Variants in SH3BP1 observed in about 807,000 individuals in gnomAD.
SH3BP1 encodes the protein SH3 domain-binding protein 1.
A neutral mutation model predicts 69.8 loss-of-function variants in SH3BP1; 46 were observed. The ratio of observed to expected loss-of-function variants is 0.66; its 90% confidence interval spans 0.52 to 0.84. The LOEUF (loss-of-function observed/expected upper bound fraction) is 0.84. SH3BP1 is among the 40% of genes least tolerant of loss of function. The pLI is 0.00. For synonymous variants in SH3BP1, 403 were observed against 378.0 expected (o/e 1.07, Z -0.77); for missense variants, 868 against 930.9 (o/e 0.93, Z 0.88).
At position 37,643,703 on chromosome 22, in the gene SH3BP1, G is replaced by C. The variant is rs1180685128; in HGVS notation, c.533G>C (p.Ser178Thr). Residue 178 changes from serine to threonine, a missense_variant, in exon 7 of 18, where the codon AGT (serine) becomes ACT (threonine). Coordinates refer to ENST00000649765, the MANE Select transcript of SH3BP1 (RefSeq NM_018957.6). ...SSQGLGGSPG[S>T]HSHTTMANKV... ...CAAGGCCTAGGAGGCAGCCCGGGTA[G>C]TCACAGCCATACGACCATGGCCAAC... 4 of 1,614,150 alleles carry C rather than the reference G, an allele frequency of 2.5e-6. No homozygotes were observed. The Admixed American group carries it at 5.0e-5, about 20-fold the overall frequency.
chr22:37,642,130 T>C (rs1177640483), intron 3 of SH3BP1: 3 of 198,846 alleles, frequency 1.5e-5, no homozygotes, highest in Non-Finnish European at 3.2e-5. Flanking sequence ...GGCAAGGAAA[T>C]TGGGAGCCAT....
chr22:37,655,012 G>A (rs749326), intron 17 of SH3BP1, among the ~76,000 whole-genome samples: 30,672 of 148,098 alleles, frequency 0.21, 5,069 homozygotes, highest in African/African-American at 0.46. Flanking sequence ...AAAGTCCTGC[G>A]AAGAAAATAC....
At position 37,646,936 on chromosome 22, in the gene SH3BP1, G is replaced by T; in HGVS notation, c.1036+7G>T. On this transcript the variant is annotated splice_region_variant and intron_variant, in intron 11 of 17. Coordinates refer to ENST00000649765, the MANE Select transcript of SH3BP1 (RefSeq NM_018957.6). Reference sequence around the variant, plus strand: ...GACCCGCACGCTGTGGCAGGTGCCTGATCCGGGGAGCCCTGGGCAGGAGGT... The same window carrying T: ...GACCCGCACGCTGTGGCAGGTGCCTTATCCGGGGAGCCCTGGGCAGGAGGT... The T allele has an allele frequency of 6.6e-7, 1 of 1,514,896 alleles. No individual in the cohort carries two copies. The allele number at this position is 1,514,896 out of a possible 1,614,324, so 93.8% of individuals were successfully genotyped here.
chr22:37,648,466 G>A (rs1295184163), intron 14 of SH3BP1, 31 bp downstream of exon 14: 1 of 1,411,672 alleles, frequency 7.1e-7, no homozygotes, highest in Non-Finnish European at 9.8e-7. Context: ...GGAGGTGGCA[G>A]GAGGAAGGCA....
Position 37,655,321 on chromosome 22 carries a change from CGG to C in SH3BP1, c.1744_1745del (p.Gly582LeufsTer77). 1 of 1,543,024 alleles carries C rather than the reference CGG, an allele frequency of 6.5e-7. No homozygotes were observed. Among genetic ancestry groups the C allele is most frequent in the Non-Finnish European group, 8.7e-7 (1 of 1,147,578 alleles). ...CCACCATGCCGCCCCCCCAGGTCTC[CGG>C]CTCCCGCTCCTCCCCTCCAGCCCCG... The part of the protein sequence containing the change: ...RPTMPPPQVS[G>X]SRSSPPAPPL... On this transcript the variant is annotated frameshift_variant, in exon 18 of 18. Coordinates refer to ENST00000649765, the MANE Select transcript of SH3BP1 (RefSeq NM_018957.6). LOFTEE classifies it low-confidence loss of function (END_TRUNC).
Position 37,642,553 on chromosome 22 carries a change from C to T in SH3BP1, c.222C>T (p.Leu74=). The part of the protein sequence containing the change: ...DMDKRVKKLP[L]MALSTTMAES... ...CCTCCCTGCAGAAGAAGCTTCCCCT[C>T]ATGGCTCTGTCCACCACGATGGCTG... Residue 74 remains leucine (L), a synonymous_variant, in exon 4 of 18, where the codon CTC becomes CTT. Transcript: ENST00000649765. 1 of 1,613,298 alleles carries T rather than the reference C, an allele frequency of 6.2e-7. No homozygotes were observed. Among genetic ancestry groups the T allele is most frequent in the Non-Finnish European group, 8.5e-7 (1 of 1,179,984 alleles).
intron 16 of SH3BP1, among the ~76,000 whole-genome samples, chr22:37,653,324 TA>T (rs1460543550): frequency 1.3e-5 from 2 of 152,002 alleles, no homozygotes; most frequent in Non-Finnish European, 2.9e-5. Context: ...TAATCCCAGC[TA>T]CTCCAGAGGC....
At chr22:37,642,689 G>T in intron 4 of SH3BP1, 74 bp downstream of exon 4, 1 of 1,610,782 alleles carries the variant, frequency 6.2e-7, no homozygotes, top group Non-Finnish European at 8.5e-7. Flanking sequence ...GGTCCAGGTG[G>T]TGAGGGCATC....
At chr22:37,643,398 ATCCTGTAAACAGTCCTGCGGCAGC>A in intron 6 of SH3BP1, 1 of 660,580 alleles carries the variant, frequency 1.5e-6, no homozygotes, top group Non-Finnish European at 2.6e-6. Context: ...AAAGCCTGGG[ATCCTGTAAACAGTCCTGCGGCAGC>A]CCTGTTCTCC....
chr22:37,653,432 T>G (rs1428410366), intron 16 of SH3BP1, among the ~76,000 whole-genome samples: 2 of 151,906 alleles, frequency 1.3e-5, no homozygotes, highest in Non-Finnish European at 2.9e-5. Context: ...TGAGACTCCA[T>G]CTCAAGAAAA....
chr22:37,645,006 C>T lies in SH3BP1; in HGVS notation c.778+46C>T, dbSNP rs563180995. The stretch of plus-strand genomic sequence containing the variant: ...ATACCACACCCCTGACCCTGCCCTG[C>T]TCGGGGCTTATTGAGAAGCTCGCAC... On this transcript the variant is annotated intron_variant, in intron 9 of 17. Coordinates refer to ENST00000649765, the MANE Select transcript of SH3BP1 (RefSeq NM_018957.6). 94 of 1,540,352 alleles carry T rather than the reference C, an allele frequency of 6.1e-5. No individual in the cohort carries two copies. In the South Asian group the frequency reaches 9.9e-4, roughly 16 times the overall value.
chr22:37,648,236 C>A, intron 13 of SH3BP1, 83 bp from the exon 14 acceptor site: 2 of 960,174 alleles, frequency 2.1e-6, no homozygotes, highest in Non-Finnish European at 3.2e-6. Context: ...CGGTGTCTTT[C>A]ACACTCTTTG....
At position 37,650,464 on chromosome 22, in the gene SH3BP1, A is replaced by T. The variant is rs1251656497; in HGVS notation, c.1415-78A>T. ...ACATGGTCCAGATGGGTTCAGGGGA[A>T]GGGGAAACGGTCCCGGCCAGTGGAG... On this transcript the variant is annotated intron_variant, in intron 15 of 17. Coordinates refer to ENST00000649765, the MANE Select transcript of SH3BP1 (RefSeq NM_018957.6). 3 of 1,537,428 alleles carry T rather than the reference A, an allele frequency of 2.0e-6. No individual in the cohort carries two copies. In the African/African-American group the frequency reaches 4.1e-5, roughly 21 times the overall value.
intron 6 of SH3BP1, 133 bp downstream of exon 6, chr22:37,643,307 C>T: frequency 3.7e-6 from 3 of 810,874 alleles, no homozygotes; most frequent in Non-Finnish European, 4.0e-6. Flanking sequence ...CTTGTGCACG[C>T]CTGGTCCCTA....
chr22:37,644,027 G>A (rs1309510204), intron 7 of SH3BP1, among the ~76,000 whole-genome samples: 1 of 152,232 alleles, frequency 6.6e-6, no homozygotes, highest in Non-Finnish European at 1.5e-5. Context: ...TTTGCTGAGC[G>A]AGCGAGTGAA....
intron 1 of SH3BP1, chr22:37,640,818 C>A (rs1482313054): frequency 2.2e-6 from 1 of 450,702 alleles, no homozygotes; most frequent in Non-Finnish European, 4.0e-6. Context: ...AGAAAAGAGG[C>A]TTCTGTGTCC....
chr22:37,647,258 C>T lies in SH3BP1; in HGVS notation c.1037-9C>T. On this transcript the variant is annotated splice_polypyrimidine_tract_variant and intron_variant, in intron 11 of 17. Transcript: ENST00000649765. ...GCTGCCTCTGACCCTCCCCACACCCCTCCTTCAGGTGCCCTCAAGTCCTAT... is the reference window on the plus strand; with the variant it reads ...GCTGCCTCTGACCCTCCCCACACCCTTCCTTCAGGTGCCCTCAAGTCCTAT... 6.2e-7 allele frequency: 1 copy of T among 1,613,684 alleles called. No individual in the cohort carries two copies. The highest frequency in any genetic ancestry group is 8.5e-7 in the Non-Finnish European group (1 of 1,179,742).
rs372999039 is a variant in SH3BP1, at chr22:37,650,626, C to T, written c.1499C>T (p.Pro500Leu). ...GACAGGCTGGCCTCTGAGGAACTTC[C>T]GTCCACTGCCGTGCCCACCCCAGCC... ...VSDRLASEEL[P>L]STAVPTPATT... The change falls in exon 16 of 18, where the codon CCG (proline) becomes CTG (leucine). Residue 500 changes from proline to leucine, a missense_variant. Pro to Leu is a moderately conservative substitution (Grantham distance 98). Transcript: ENST00000649765. 1.9e-5 allele frequency: 30 copies of T among 1,613,894 alleles called. No homozygotes were observed. The highest frequency in any genetic ancestry group is 2.5e-5 in the Non-Finnish European group (29 of 1,180,046).
chr22:37,647,210 G>C, intron 11 of SH3BP1, 57 bp from the exon 12 acceptor site: 1 of 1,463,908 alleles, frequency 6.8e-7, no homozygotes, highest in East Asian at 2.3e-5. Context: ...CCTTCTACAG[G>C]GAGAGTGGGA....
Sources: allele counts gnomAD v4.1 joint callset (sites outside exome capture counted in the v4.1 genomes callset), GRCh38; gene constraint gnomAD v4.1.1; transcripts MANE v1.5; gene names NCBI Gene and HGNC (gene_info 2026-07-23, HGNC 2026-07-21).